Variants in TRMT11 observed in about 807,000 individuals in gnomAD.
TRMT11 encodes tRNA methyltransferase 11.
TRMT11 carries 53 observed loss-of-function variants against 62.8 expected under a neutral mutation model. The ratio of observed to expected loss-of-function variants is 0.84; its 90% CI spans 0.68 to 1.06. The LOEUF (loss-of-function observed/expected upper bound fraction) is 1.06. TRMT11 is among the 50% of genes least tolerant of loss of function. TRMT11 has a pLI of 0.00. For synonymous variants in TRMT11, 188 were observed against 190.3 expected, an observed-to-expected ratio of 0.99 and a Z score of 0.10; for missense variants, 556 against 553.4, an observed-to-expected ratio of 1.00 and a Z score of -0.05.
chr6:126,243,022 T>C, the TRMT11 span, among the ~76,000 whole-genome samples: 1 of 152,144 alleles, frequency 6.6e-6, no homozygotes, highest in Non-Finnish European at 1.5e-5. Flanking sequence ...ATAAAATTTT[T>C]GCTATCTACT....
At chr6:126,096,231 T>C (rs6926385) in intron 17 of TRMT11, among the ~76,000 whole-genome samples, 18,087 of 152,172 alleles carry the variant, frequency 0.12, 2,153 homozygotes, top group African/African-American at 0.31. Flanking sequence ...TCCTGGTGCA[T>C]TGGCAATTAA....
At chr6:126,214,513 T>A in the TRMT11 span, among the ~76,000 whole-genome samples, 1 of 152,142 alleles carries the variant, frequency 6.6e-6, no homozygotes, top group South Asian at 2.1e-4. Context: ...TTTTCCAATT[T>A]ATTGGCACGT....
intron 17 of TRMT11, among the ~76,000 whole-genome samples, chr6:126,080,090 T>TTTG (rs140821748): frequency 2.0e-4 from 30 of 151,266 alleles, no homozygotes; most frequent in Admixed American, 7.9e-4. Context: ...CTAGTTCTGT[T>TTTG]TTGTTGTTGT....
the TRMT11 span, among the ~76,000 whole-genome samples, chr6:126,270,345 G>A: frequency 6.6e-6 from 1 of 152,140 alleles, no homozygotes; most frequent in African/African-American, 2.4e-5. Flanking sequence ...TATAGAATAA[G>A]GATGGTGAAG....
At chr6:126,231,738 A>G in the TRMT11 span, among the ~76,000 whole-genome samples, 1 of 152,352 alleles carries the variant, frequency 6.6e-6, no homozygotes, top group Non-Finnish European at 1.5e-5. Flanking sequence ...GTTCTGATAC[A>G]GACTGAACGA....
chr6:126,226,349 C>A, the TRMT11 span, among the ~76,000 whole-genome samples: 2 of 152,096 alleles, frequency 1.3e-5, no homozygotes, highest in African/African-American at 4.8e-5. Flanking sequence ...AGGCAAGAAG[C>A]TGTATAGACC....
the TRMT11 span, among the ~76,000 whole-genome samples, chr6:126,228,279 C>T: frequency 6.6e-6 from 1 of 152,270 alleles, no homozygotes; most frequent in Middle Eastern, 3.4e-3. Flanking sequence ...GGGAGATGCT[C>T]ATTAGTGGCC....
chr6:126,205,945 G>GCA (rs139913068), downstream of TRMT11, among the ~76,000 whole-genome samples: 24 of 149,040 alleles, frequency 1.6e-4, no homozygotes, highest in African/African-American at 3.5e-4. Context: ...ACACATGCGC[G>GCA]CACACACACA....
intron 21 of TRMT11, among the ~76,000 whole-genome samples, chr6:126,165,783 T>C (rs1204379053): frequency 6.6e-6 from 1 of 152,062 alleles, no homozygotes; most frequent in Non-Finnish European, 1.5e-5. Context: ...TCTCAGGGAG[T>C]ATCTTTGTGG....
At chr6:126,184,238 A>C (rs1207769846) in intron 1 of TRMT11, among the ~76,000 whole-genome samples, 1 of 152,150 alleles carries the variant, frequency 6.6e-6, no homozygotes, top group Admixed American at 6.6e-5. Context: ...TATACCTCTC[A>C]AAAATTGTAC....
At chr6:126,003,028 G>A (rs535637225) in intron 7 of TRMT11, among the ~76,000 whole-genome samples, 3 of 152,162 alleles carry the variant, frequency 2.0e-5, no homozygotes, top group African/African-American at 4.8e-5. Flanking sequence ...CTTCATGAGT[G>A]TATGTACCGT....
At chr6:126,177,844 G>T (rs984468700) in intron 1 of TRMT11, among the ~76,000 whole-genome samples, 1 of 151,808 alleles carries the variant, frequency 6.6e-6, no homozygotes, top group Admixed American at 6.6e-5. Flanking sequence ...AAGGTATACA[G>T]CCTCTCTCAA....
intron 17 of TRMT11, among the ~76,000 whole-genome samples, chr6:126,082,680 T>G (rs1196085790): frequency 6.6e-6 from 1 of 152,164 alleles, no homozygotes; most frequent in Non-Finnish European, 1.5e-5. Context: ...CATAGAGCCT[T>G]GAAACTTAAT....
At chr6:126,090,988 A>G (rs1777268971) in intron 17 of TRMT11, among the ~76,000 whole-genome samples, 2 of 152,128 alleles carry the variant, frequency 1.3e-5, no homozygotes, top group Admixed American at 6.5e-5. Context: ...AGGCTTGCGG[A>G]TAACTTGAGG....
chr6:126,182,574 C>T lies in TRMT11; in HGVS notation n.143+5239C>T, dbSNP rs1425783424. Among the ~76,000 whole-genome samples the T allele has an allele frequency of 2.0e-5, 3 of 151,980 alleles. No individual in the cohort carries two copies. In the East Asian group the frequency reaches 5.8e-4, roughly 29 times the overall value. ...TGAGATCAGTATGGTAGCCTGACCC[C>T]TGACTCCCCCAACCCCACCATGCAG... On this transcript the variant is annotated intron_variant and non_coding_transcript_variant, in intron 1 of 3. Coordinates refer to the TRMT11 transcript ENST00000444229.
intron 17 of TRMT11, among the ~76,000 whole-genome samples, chr6:126,073,338 AAGAG>A (rs1190405977): frequency 6.6e-6 from 1 of 152,150 alleles, no homozygotes; most frequent in Non-Finnish European, 1.5e-5. Context: ...GACTACCAAA[AAGAG>A]AGAGACTATT....
At chr6:126,230,845 G>T in the TRMT11 span, among the ~76,000 whole-genome samples, 1 of 152,120 alleles carries the variant, frequency 6.6e-6, no homozygotes, top group Non-Finnish European at 1.5e-5. Context: ...GTGCTATATT[G>T]TATATGTCTA....
downstream of TRMT11, among the ~76,000 whole-genome samples, chr6:126,205,560 TA>T (rs1166865782): frequency 2.0e-5 from 3 of 152,178 alleles, no homozygotes; most frequent in African/African-American, 4.8e-5. Flanking sequence ...GAGAGCATGT[TA>T]TTTTAAAGAT....
chr6:126,091,102 TG>T (rs1777271012), intron 17 of TRMT11, among the ~76,000 whole-genome samples: 1 of 149,612 alleles, frequency 6.7e-6, no homozygotes, highest in African/African-American at 2.5e-5. Flanking sequence ...CCCAGCTACG[TG>T]GGTGGTTGGC....
Sources: allele counts gnomAD v4.1 joint callset (sites outside exome capture counted in the v4.1 genomes callset), GRCh38; gene constraint gnomAD v4.1.1; transcripts MANE v1.5; gene names NCBI Gene and HGNC (gene_info 2026-07-23, HGNC 2026-07-21).